Variants in TENM2 observed in about 807,000 individuals in gnomAD.
TENM2 encodes the protein teneurin-2.
TENM2 carries 52 observed loss-of-function variants against 245.2 expected under a neutral mutation model. The ratio of observed to expected loss-of-function variants is 0.21; its 90% confidence interval spans 0.17 to 0.27. The LOEUF is 0.27. TENM2 is among the 10% of genes least tolerant of loss of function. The pLI is 1.00. For missense variants in TENM2, 3,046 were observed against 3,666.8 expected (o/e 0.83, Z 4.37); for synonymous variants, 1,363 against 1,438.9 (o/e 0.95, Z 1.19).
chr5:167,907,530 T>C (rs1466343065), intron 3 of TENM2, among the ~76,000 whole-genome samples: 2 of 15,632 alleles, frequency 1.3e-4, no homozygotes, highest in Non-Finnish European at 2.4e-4. Flanking sequence ...CCTAAATATA[T>C]ATATATATAT....
At chr5:167,319,383 T>A (rs553437169) in intron 1 of TENM2, among the ~76,000 whole-genome samples, 2 of 152,158 alleles carry the variant, frequency 1.3e-5, no homozygotes, top group Non-Finnish European at 1.5e-5. Flanking sequence ...AGAAAATCCA[T>A]GTAAAGGCAC....
chr5:167,402,833 A>T (rs1762434649), intron 2 of TENM2, among the ~76,000 whole-genome samples: 1 of 152,176 alleles, frequency 6.6e-6, no homozygotes, highest in Admixed American at 6.6e-5. Context: ...GCATCAGAAC[A>T]ATGAGACATG....
chr5:168,072,189 G>C (rs1342774743), intron 7 of TENM2, among the ~76,000 whole-genome samples: 1 of 152,176 alleles, frequency 6.6e-6, no homozygotes, highest in East Asian at 1.9e-4. Flanking sequence ...ATGGGAATGT[G>C]CAGTAAATAA....
At chr5:167,596,917 G>A (rs752305006) in intron 2 of TENM2, among the ~76,000 whole-genome samples, 3 of 152,080 alleles carry the variant, frequency 2.0e-5, no homozygotes, top group African/African-American at 7.2e-5. Context: ...GTTCACCTTC[G>A]GGGGACACAA....
At chr5:168,154,146 T>TAAAAAAAAAAAAAAAAAAAA (rs1562223601) in intron 12 of TENM2, among the ~76,000 whole-genome samples, 1 of 75,752 alleles carries the variant, frequency 1.3e-5, no homozygotes, top group Non-Finnish European at 2.4e-5. Flanking sequence ...ATCACCTACT[T>TAAAAAAAAAAAAAAAAAAAA]TAAAAAAAAA....
intron 2 of TENM2, among the ~76,000 whole-genome samples, chr5:167,640,211 G>A (rs966215289): frequency 1.4e-4 from 21 of 152,186 alleles, no homozygotes; most frequent in African/African-American, 4.3e-4. Context: ...GACAAGTCAC[G>A]TAACCTCCCC....
At chr5:167,525,335 C>T (rs1234554143) in intron 2 of TENM2, among the ~76,000 whole-genome samples, 1 of 152,094 alleles carries the variant, frequency 6.6e-6, no homozygotes, top group Non-Finnish European at 1.5e-5. Flanking sequence ...ATCCAAATGT[C>T]AGTCTTTTTG....
At chr5:167,301,848 C>A (rs914205667) in intron 1 of TENM2, among the ~76,000 whole-genome samples, 3 of 151,974 alleles carry the variant, frequency 2.0e-5, no homozygotes, top group African/African-American at 7.3e-5. Flanking sequence ...TGGGGGAGGG[C>A]TAGTCACAGA....
intron 2 of TENM2, among the ~76,000 whole-genome samples, chr5:167,726,188 T>A (rs1174712828): frequency 6.6e-6 from 1 of 152,124 alleles, no homozygotes; most frequent in African/African-American, 2.4e-5. Flanking sequence ...TGCCTTTAAA[T>A]CAAATGCCTC....
chr5:168,149,455 T>C (rs763657167), intron 12 of TENM2: 1 of 456,920 alleles, frequency 2.2e-6, no homozygotes, highest in South Asian at 1.5e-5. Flanking sequence ...TTATAGACTG[T>C]ATGTCTAATT....
At chr5:168,158,491 G>A (rs1581482645) in intron 12 of TENM2, among the ~76,000 whole-genome samples, 1 of 152,112 alleles carries the variant, frequency 6.6e-6, no homozygotes, top group African/African-American at 2.4e-5. Context: ...TGGATCTCAT[G>A]GGGGTTTATG....
chr5:167,658,873 G>A (rs1297749967), intron 2 of TENM2, among the ~76,000 whole-genome samples: 2 of 152,282 alleles, frequency 1.3e-5, no homozygotes, highest in South Asian at 2.1e-4. Flanking sequence ...AGATAAGGCT[G>A]TGCAGATCAA....
chr5:167,732,239 G>A (rs1300170690), intron 2 of TENM2, among the ~76,000 whole-genome samples: 1 of 152,162 alleles, frequency 6.6e-6, no homozygotes, highest in African/African-American at 2.4e-5. Flanking sequence ...GAAGCAGGCT[G>A]TAGAAAAATC....
chr5:168,073,431 T>G (rs1168158991), intron 7 of TENM2, among the ~76,000 whole-genome samples: 1 of 152,200 alleles, frequency 6.6e-6, no homozygotes, highest in East Asian at 1.9e-4. Context: ...CATGCCTTGT[T>G]GTGTGGGCTG....
intron 4 of TENM2, among the ~76,000 whole-genome samples, chr5:167,976,269 CAG>C (rs1185329512): frequency 1.3e-5 from 2 of 151,940 alleles, no homozygotes; most frequent in Non-Finnish European, 2.9e-5. Context: ...GATCTAGAAA[CAG>C]AGAGAAATGA....
intron 27 of TENM2, among the ~76,000 whole-genome samples, chr5:168,251,608 G>T (rs1379690172): frequency 7.2e-5 from 11 of 152,164 alleles, no homozygotes; most frequent in Non-Finnish European, 1.5e-4. Flanking sequence ...TTCACATTTG[G>T]CTCATCTGTA....
rs1045235128 is a variant in TENM2 at position 168,061,119 on chromosome 5, C to G, written c.1310-941C>G. Among the ~76,000 whole-genome samples, 3 of 152,218 alleles carry G rather than the reference C, an allele frequency of 2.0e-5. 1 individual carries two copies. The highest frequency in any genetic ancestry group is 6.8e-3 in the Middle Eastern group (2 of 294). On this transcript the variant is annotated intron_variant, in intron 6 of 28. Transcript: ENST00000518659. ...TCTTTCTGTTTTATTTCAGTTGGCT[C>G]AGCAGTTCTTAGGAATATAGAAGAA... is the stretch of plus-strand genomic sequence containing the variant.
At chr5:167,031,162 T>C in the TENM2 span, among the ~76,000 whole-genome samples, 1 of 152,152 alleles carries the variant, frequency 6.6e-6, no homozygotes, top group African/African-American at 2.4e-5. Flanking sequence ...AAGGCAAGAT[T>C]TTCTAAAAGG....
At chr5:168,150,294 A>T (rs1370904594) in intron 12 of TENM2, among the ~76,000 whole-genome samples, 1 of 152,224 alleles carries the variant, frequency 6.6e-6, no homozygotes, top group Non-Finnish European at 1.5e-5. Flanking sequence ...AGCATTTTCT[A>T]ATCATTCAGT....
Sources: allele counts gnomAD v4.1 joint callset (sites outside exome capture counted in the v4.1 genomes callset), GRCh38; gene constraint gnomAD v4.1.1; transcripts MANE v1.5; gene names NCBI Gene and HGNC (gene_info 2026-07-23, HGNC 2026-07-21).